The following DNAH1 variants were observed in gnomAD, a reference collection of about 807,000 sequenced individuals.
DNAH1 encodes the protein dynein axonemal heavy chain 1.
A neutral mutation model predicts 484.3 loss-of-function variants in DNAH1; 327 were observed. The observed-to-expected ratio is 0.68, with a 90% CI of 0.62 to 0.74. The LOEUF is 0.74. DNAH1 is among the 30% of genes least tolerant of loss of function. The pLI is 0.00. For missense variants in DNAH1, 5,052 were observed against 5,546.8 expected (o/e 0.91, Z 2.83); for synonymous variants, 2,192 against 2,191.9 (o/e 1.00, Z 0.00).
chr3:52,328,131 C>A (rs1335379120), intron 6 of DNAH1, 117 bp downstream of exon 6: 1 of 1,345,424 alleles, frequency 7.4e-7, no homozygotes, highest in Admixed American at 2.3e-5. Flanking sequence ...CTTTCAAGAC[C>A]TCTCAGCTGG....
intron 44 of DNAH1, chr3:52,374,677 C>T: frequency 7.0e-7 from 1 of 1,435,384 alleles, no homozygotes; most frequent in Non-Finnish European, 9.8e-7. Flanking sequence ...ATGTTTCCTT[C>T]CTTGTACCAC....
rs554517025 is a variant in DNAH1 at position 52,390,172 on chromosome 3, G to A, written c.9621+586G>A. ...TGGAGGTTGAGAAACAGTGTCCACA[G>A]TAGGGTTTAGAAGGGTTGTCTGGTC... On this transcript the variant is annotated intron_variant, in intron 60 of 77. Transcript: ENST00000420323. 3.9e-5 allele frequency among the ~76,000 whole-genome samples: 6 copies of A among 152,222 alleles called. No homozygotes were observed. In the South Asian group the frequency reaches 1.2e-3, roughly 32 times the overall value.
At chr3:52,394,238 A>G (rs1368645952) in intron 66 of DNAH1, among the ~76,000 whole-genome samples, 2 of 152,174 alleles carry the variant, frequency 1.3e-5, no homozygotes, top group African/African-American at 2.4e-5. Context: ...TTCTACTCCC[A>G]AATGAGGAGG....
At position 52,372,051 on chromosome 3, in the gene DNAH1, C is replaced by T. The variant is rs771364725; in HGVS notation, c.6631C>T (p.His2211Tyr). 3 of 1,613,658 alleles carry T rather than the reference C, an allele frequency of 1.9e-6. No homozygotes were observed. In the African/African-American group the frequency reaches 4.0e-5, roughly 22 times the overall value. Residue 2211 changes from histidine to tyrosine, a missense_variant, in exon 42 of 78, where the codon CAT (histidine) becomes TAT (tyrosine). Physicochemically the swap from His to Tyr is moderately conservative, Grantham distance 83. Transcript: ENST00000420323. The part of the protein sequence containing the change: ...VPTMDTVQMS[H>Y]LLDMLLTNKK... ...CACCATGGACACCGTGCAGATGTCC[C>T]ATTTACTGGACATGCTGCTCACCAA...
Position 52,394,474 on chromosome 3 carries a change from C to A in DNAH1, c.10636C>A (p.Arg3546=), listed in dbSNP as rs200416242. 6.2e-7 allele frequency: 1 copy of A among 1,613,922 alleles called. No individual in the cohort carries two copies. The highest frequency in any genetic ancestry group is 1.1e-5 in the South Asian group (1 of 91,082). Residue 3546 remains arginine (R), a synonymous_variant, in exon 67 of 78, where the codon CGA becomes AGA. Transcript: ENST00000420323. Reference sequence around the variant, plus strand: ...TCCTGTCCCCTGCCAGAGTGAGTGGCGATACCTCCTGTCTGGGGGCTCCAT... The same window carrying A: ...TCCTGTCCCCTGCCAGAGTGAGTGGAGATACCTCCTGTCTGGGGGCTCCAT... ...NEGKINQSEW[R]YLLSGGSISI...
At chr3:52,352,457 C>G in intron 17 of DNAH1, 95 bp from the exon 18 acceptor site, 1 of 1,489,324 alleles carries the variant, frequency 6.7e-7, no homozygotes, top group Non-Finnish European at 9.0e-7. Context: ...GAGGAGTGGA[C>G]GTCCTGGGAC....
At chr3:52,374,739 C>A in intron 44 of DNAH1, 1 of 1,237,796 alleles carries the variant, frequency 8.1e-7, no homozygotes, top group Non-Finnish European at 1.2e-6. Context: ...ATACAACGCC[C>A]TGAATCTGTT....
Position 52,352,487 on chromosome 3 carries a change from C to T in DNAH1, c.2872-65C>T, listed in dbSNP as rs1424987142. 3.8e-6 allele frequency: 6 copies of T among 1,561,140 alleles called. No homozygotes were observed. The African/African-American group carries it at 4.1e-5, about 11-fold the overall frequency. ...TGGGACCTCTGGTTCCCTGGGTTTG[C>T]ATGGGAAGGCCTGGACACAAGTGGG... On this transcript the variant is annotated intron_variant, in intron 17 of 77. Coordinates refer to ENST00000420323, the MANE Select transcript of DNAH1 (RefSeq NM_015512.5).
At position 52,368,864 on chromosome 3, in the gene DNAH1, G is replaced by C. The variant is rs1272485612; in HGVS notation, c.5889G>C (p.Leu1963=). The C allele has an allele frequency of 6.2e-7, 1 of 1,613,892 alleles. No homozygotes were observed. Among genetic ancestry groups the C allele is most frequent in the Admixed American group, 1.7e-5 (1 of 60,004 alleles). The change falls in exon 37 of 78, where the codon CTG becomes CTC. Residue 1963 remains leucine, a synonymous_variant. Transcript: ENST00000420323. The surrounding 1 kb of genome is among the most constrained non-coding windows in gnomAD (Gnocchi z 4.4). Reference sequence around the variant, plus strand: ...GGATTGAGAACATGAACACGGTGCTGGATGACAACAAGAAGCTGTGCCTCA... The same window carrying C: ...GGATTGAGAACATGAACACGGTGCTCGATGACAACAAGAAGCTGTGCCTCA... ...AIWIENMNTV[L]DDNKKLCLSS... is the part of the protein sequence containing the mutation.
At chr3:52,389,865 A>C (rs1704294722) in intron 60 of DNAH1, among the ~76,000 whole-genome samples, 1 of 152,202 alleles carries the variant, frequency 6.6e-6, no homozygotes, top group Non-Finnish European at 1.5e-5. Flanking sequence ...TAATCCCAGC[A>C]TTTTGGGAGG....
In DNAH1 at chr3:52,364,784, G is replaced by C. The variant is rs1559533635; in HGVS notation, c.5332-49G>C. 1 of 1,606,852 alleles carries C rather than the reference G, an allele frequency of 6.2e-7. No individual in the cohort carries two copies. ...CTCTGGGAGGGCTCCTGGGCAGCTG[G>C]AGGGCAGCTGGCCCACTGCCCTGAA... On this transcript the variant is annotated intron_variant, in intron 33 of 77. Transcript: ENST00000420323. The surrounding 1 kb of genome is among the most constrained non-coding windows in gnomAD (Gnocchi z 4.2).
intron 7 of DNAH1, among the ~76,000 whole-genome samples, chr3:52,331,610 A>C (rs1701553312): frequency 1.3e-5 from 2 of 149,092 alleles, no homozygotes; most frequent in South Asian, 2.1e-4. Context: ...TCCTTGTCTA[A>C]ATACTTTTCT....
In DNAH1 at chr3:52,382,558, G is replaced by A. The variant is rs898727719; in HGVS notation, c.7941+103G>A. 2.6e-6 allele frequency: 4 copies of A among 1,527,856 alleles called. No homozygotes were observed. The African/African-American group carries it at 5.5e-5, about 21-fold the overall frequency. 94.6% of individuals were successfully genotyped at this position (1,527,856 alleles called of 1,614,324 possible). On this transcript the variant is annotated intron_variant, in intron 50 of 77. Coordinates refer to ENST00000420323, the MANE Select transcript of DNAH1 (RefSeq NM_015512.5). ...GCCAGTCCTTCATGCCCAGCTCACAGTCAGGGCAGATCTCAGAAGAGACCA... is the reference window on the plus strand; with the variant it reads ...GCCAGTCCTTCATGCCCAGCTCACAATCAGGGCAGATCTCAGAAGAGACCA...
Position 52,355,120 on chromosome 3 carries a change from T to TC in DNAH1, c.3693+66dup. ...CTTCAGAGAGCCCGACCCACAGGTG[T>TC]CACTGATGGTCTCCGGGTGGGGTTC... On this transcript the variant is annotated intron_variant, in intron 21 of 77. Transcript: ENST00000420323. The surrounding 1 kb of genome is among the most constrained non-coding windows in gnomAD (Gnocchi z 4.5). 2 of 1,489,620 alleles carry TC rather than the reference T, an allele frequency of 1.3e-6. No individual in the cohort carries two copies. The highest frequency in any genetic ancestry group is 1.9e-6 in the Non-Finnish European group (2 of 1,077,588). 92.3% of individuals were successfully genotyped at this position (1,489,620 alleles called of 1,614,324 possible). A position where few individuals can be genotyped will look rare whatever the true frequency, so the allele number is the denominator to read the frequency against.
chr3:52,337,039 T>C (rs1375410358), intron 8 of DNAH1, among the ~76,000 whole-genome samples: 1 of 152,222 alleles, frequency 6.6e-6, no homozygotes, highest in African/African-American at 2.4e-5. Context: ...ATATTAACAG[T>C]ATTGATTCTT....
intron 50 of DNAH1, 67 bp downstream of exon 50, chr3:52,382,522 C>G: frequency 8.8e-6 from 14 of 1,587,042 alleles, no homozygotes; most frequent in Non-Finnish European, 1.2e-5. Flanking sequence ...AGCATAGCAT[C>G]CCGGAAGGTG....
rs563153031 is a variant in DNAH1 at position 52,320,644 on chromosome 3, C to T, written c.-34-1765C>T. ...GGAGGCCTACACTAGCACAAAACACCCAGCAAAAAGAGTGCCCTGTTCTTC... is the reference window on the plus strand; with the variant it reads ...GGAGGCCTACACTAGCACAAAACACTCAGCAAAAAGAGTGCCCTGTTCTTC... On this transcript the variant is annotated intron_variant, in intron 1 of 77. Coordinates refer to ENST00000420323, the MANE Select transcript of DNAH1 (RefSeq NM_015512.5). Among the ~76,000 whole-genome samples the T allele has an allele frequency of 2.6e-5, 4 of 152,230 alleles. No individual in the cohort carries two copies. The South Asian group carries it at 6.2e-4, about 24-fold the overall frequency.
At chr3:52,330,969 G>A (rs1222551658) in intron 6 of DNAH1, among the ~76,000 whole-genome samples, 179 bp from the exon 7 acceptor site, 2 of 152,190 alleles carry the variant, frequency 1.3e-5, no homozygotes, top group South Asian at 2.1e-4. Context: ...CCTCAGAGGC[G>A]AGCTCGGCTG....
rs1400044917 is a variant in DNAH1, at chr3:52,345,655, G to T, written c.1605G>T (p.Lys535Asn). 2 of 1,613,074 alleles carry T rather than the reference G, an allele frequency of 1.2e-6. No individual in the cohort carries two copies. Among genetic ancestry groups the T allele is most frequent in the Non-Finnish European group, 1.7e-6 (2 of 1,179,520 alleles). Residue 535 changes from lysine (K) to asparagine (N), a missense_variant, in exon 10 of 78, where the codon AAG becomes AAT. Around this residue, in one of 4 missense-constraint regions of DNAH1, gnomAD observed 1,263 missense variants for 1,218.8 expected, o/e 1.04. Transcript: ENST00000420323. ...AMSLFHSSLS[K>N]YSHLEEFEQI... ...CCCTGTTCCACTCGAGCCTCTCCAA[G>T]TACAGCCACCTGGAGGAATTTGAGC...
Sources: gnomAD v4.1 joint callset for allele counts (sites outside exome capture counted in the v4.1 genomes callset) on GRCh38, gnomAD v4.1.1 for gene constraint, gnomAD v4.1.1 regional missense constraint, Gnocchi (gnomAD v3.1) non-coding constraint, MANE v1.5 for transcripts, NCBI Gene and HGNC (gene_info 2026-07-23, HGNC 2026-07-21) for gene names.